Variants in PCDHGB5 observed in about 807,000 individuals in gnomAD.
The protein encoded by PCDHGB5 is protocadherin gamma subfamily B, 5, also known as protocadherin gamma-B5.
In PCDHGB5, 48 loss-of-function variants were observed where a neutral mutation model predicts 62.9. That is an observed-to-expected ratio of 0.76 (90% CI 0.61 to 0.97). PCDHGB5 has a LOEUF of 0.97. PCDHGB5 is among the 50% of genes least tolerant of loss of function. PCDHGB5 has a pLI of 0.00. For missense variants in PCDHGB5, 1,118 were observed against 1,198.6 expected, an observed-to-expected ratio of 0.93 and a Z score of 0.99; for synonymous variants, 474 against 511.2, an observed-to-expected ratio of 0.93 and a Z score of 0.98.
At chr5:141,479,242 A>G (rs2099491093) in intron 1 of PCDHGB5, 1 of 152,320 alleles carries the variant, frequency 6.6e-6, no homozygotes, top group African/African-American at 2.4e-5. Context: ...AAACCCAAAG[A>G]TAACCATTTT....
intron 1 of PCDHGB5, among the ~76,000 whole-genome samples, chr5:141,456,845 C>T (rs1308477735): frequency 6.6e-6 from 1 of 152,092 alleles, no homozygotes; most frequent in African/African-American, 2.4e-5. Context: ...CGCCTGTAAT[C>T]CCAGCTAATT....
At position 141,500,368 on chromosome 5, in the gene PCDHGB5, C is replaced by T. The variant is rs181410708; in HGVS notation, c.2457-5025C>T. Among the ~76,000 whole-genome samples, 364 of 152,050 alleles carry T rather than the reference C, an allele frequency of 2.4e-3. 3 individuals carry two copies. The highest frequency in any genetic ancestry group is 9.2e-3 in the Admixed American group (140 of 15,274). ...GGACTACAGGCGCCCACTACCACGCCCGGCTAATTATTTTGTATTTTTAGT... is the reference window on the plus strand; with the variant it reads ...GGACTACAGGCGCCCACTACCACGCTCGGCTAATTATTTTGTATTTTTAGT... On this transcript the variant is annotated intron_variant, in intron 2 of 3. Transcript: ENST00000617380.
intron 1 of PCDHGB5, among the ~76,000 whole-genome samples, chr5:141,452,835 C>A (rs2098750110): frequency 6.6e-6 from 1 of 152,154 alleles, no homozygotes; most frequent in Admixed American, 6.5e-5. Flanking sequence ...TCACTTGGTC[C>A]AGCCCACACT....
In PCDHGB5 at chr5:141,491,149, G is replaced by T; in HGVS notation, c.2398-3658G>T. 6.8e-6 allele frequency: 11 copies of T among 1,614,152 alleles called. No homozygotes were observed. The highest frequency in any genetic ancestry group is 9.3e-6 in the Non-Finnish European group (11 of 1,180,010). On this transcript the variant is annotated intron_variant, in intron 1 of 3. Transcript: ENST00000617380. This position sits in a 1 kb window ranked among gnomAD's most constrained non-coding sequence, Gnocchi z 6.9. ...GCGCACAGCCCGGGCCTTACTGGAGGATGACTCTGACACCCAGCAGGTGGT... is the reference window on the plus strand; with the variant it reads ...GCGCACAGCCCGGGCCTTACTGGAGTATGACTCTGACACCCAGCAGGTGGT...
intron 1 of PCDHGB5, chr5:141,422,847 C>G (rs1271794821): frequency 7.4e-6 from 12 of 1,614,234 alleles, no homozygotes; most frequent in Non-Finnish European, 1.0e-5. Context: ...ACAGCGGGGA[C>G]CCGCCCCTCA....
chr5:141,501,636 C>T (rs2099810310), intron 2 of PCDHGB5, among the ~76,000 whole-genome samples: 1 of 152,130 alleles, frequency 6.6e-6, no homozygotes, highest in South Asian at 2.1e-4. Flanking sequence ...CTCAACCTCT[C>T]TGAGCCCTGT....
chr5:141,399,977 T>C lies in PCDHGB5; in HGVS notation c.1850T>C (p.Leu617Pro), dbSNP rs1166854292. 1 of 1,612,262 alleles carries C rather than the reference T, an allele frequency of 6.2e-7. No individual in the cohort carries two copies. The highest frequency in any genetic ancestry group is 1.3e-5 in the African/African-American group (1 of 75,028). ...GAGCCCGGGCTCTTCAGCCTGGGGC[T>C]GCGCACAGGAGAGGTGCGCACAGCG... ...ASEPGLFSLG[L>P]RTGEVRTARA... Residue 617 changes from leucine (L) to proline (P), a missense_variant, in exon 1 of 4, where the codon CTG (leucine) becomes CCG (proline). Physicochemically the swap from Leu to Pro is moderately conservative, Grantham distance 98. Around this residue, in one of 2 missense-constraint regions of PCDHGB5, gnomAD observed 1,034 missense variants for 1,029.1 expected, o/e 1.00. Transcript: ENST00000617380.
chr5:141,484,869 G>C (rs2154580238), intron 1 of PCDHGB5: 1 of 292,558 alleles, frequency 3.4e-6, no homozygotes, highest in African/African-American at 2.2e-5. Flanking sequence ...GGGGGAGCGT[G>C]GAGGATAGGG....
chr5:141,404,894 G>C (rs772084097), intron 1 of PCDHGB5: 1 of 1,613,878 alleles, frequency 6.2e-7, no homozygotes, highest in South Asian at 1.1e-5. Flanking sequence ...GGCTGTACAG[G>C]ACCATGGCCA....
At position 141,418,594 on chromosome 5, in the gene PCDHGB5, C is replaced by G. The variant is rs775489120; in HGVS notation, c.2397+18070C>G. 2.9e-5 allele frequency: 47 copies of G among 1,613,904 alleles called. No individual in the cohort carries two copies. In the South Asian group the frequency reaches 4.6e-4, roughly 16 times the overall value. On this transcript the variant is annotated intron_variant, in intron 1 of 3. Transcript: ENST00000617380. ...ACAACCCCCCAGTGTTCAGCCAGGA[C>G]GTGTACAGGGTTAGCCTTCGGGAAG...
intron 2 of PCDHGB5, among the ~76,000 whole-genome samples, chr5:141,501,166 C>T (rs1443045812): frequency 6.6e-6 from 1 of 152,154 alleles, no homozygotes; most frequent in African/African-American, 2.4e-5. Flanking sequence ...CATCCCCAGC[C>T]TCATTTACAT....
chr5:141,404,617 G>A (rs760355068), intron 1 of PCDHGB5: 4 of 1,614,032 alleles, frequency 2.5e-6, no homozygotes, highest in Non-Finnish European at 2.5e-6. Flanking sequence ...TTTTGGACCA[G>A]AATGACAATG....
At chr5:141,439,898 C>A (rs1428014089) in intron 1 of PCDHGB5, 2 of 152,344 alleles carry the variant, frequency 1.3e-5, no homozygotes, top group African/African-American at 4.8e-5. Flanking sequence ...ACCAAGGCGA[C>A]TACTGCCTCC....
Position 141,485,200 on chromosome 5 carries a change from A to C in PCDHGB5, c.2398-9607A>C. 1 of 1,614,116 alleles carries C rather than the reference A, an allele frequency of 6.2e-7. No homozygotes were observed. The highest frequency in any genetic ancestry group is 2.2e-5 in the East Asian group (1 of 44,872). ...TGCTCCGCAAGGTGAGAAGCTGGAC[A>C]GAAATCTGGCGGTGGGCTACCCTTT... On this transcript the variant is annotated intron_variant, in intron 1 of 3. Coordinates refer to ENST00000617380, the MANE Select transcript of PCDHGB5 (RefSeq NM_018925.3). This position sits in a 1 kb window ranked among gnomAD's most constrained non-coding sequence, Gnocchi z 5.7.
At chr5:141,421,080 C>CA (rs2096545590) in intron 1 of PCDHGB5, 1 of 638,250 alleles carries the variant, frequency 1.6e-6, no homozygotes, top group East Asian at 2.9e-5. Context: ...GATGGATACT[C>CA]ACAGATCCTG....
At chr5:141,470,942 C>T (rs1156728317) in intron 1 of PCDHGB5, among the ~76,000 whole-genome samples, 1 of 152,020 alleles carries the variant, frequency 6.6e-6, no homozygotes, top group Non-Finnish European at 1.5e-5. Context: ...GTCTCAAATT[C>T]CTGGCCTCAA....
At chr5:141,506,084 C>T (rs1426222889) in intron 3 of PCDHGB5, among the ~76,000 whole-genome samples, 8 of 152,068 alleles carry the variant, frequency 5.3e-5, no homozygotes, top group African/African-American at 1.9e-4. Flanking sequence ...AATAGAGATT[C>T]GGCTAGTGGT....
chr5:141,469,704 C>T (rs1038504640), intron 1 of PCDHGB5, among the ~76,000 whole-genome samples: 9 of 152,340 alleles, frequency 5.9e-5, no homozygotes, highest in African/African-American at 1.9e-4. Flanking sequence ...ACCTAGTAAT[C>T]ACACTATTAG....
At chr5:141,475,329 A>G (rs1229101617) in intron 1 of PCDHGB5, among the ~76,000 whole-genome samples, 1 of 152,266 alleles carries the variant, frequency 6.6e-6, no homozygotes, top group Non-Finnish European at 1.5e-5. Context: ...AATGAGAGCT[A>G]ACAATGACAT....
Sources: gnomAD v4.1 joint callset for allele counts (sites outside exome capture counted in the v4.1 genomes callset) on GRCh38, gnomAD v4.1.1 for gene constraint, gnomAD v4.1.1 regional missense constraint, Gnocchi (gnomAD v3.1) non-coding constraint, MANE v1.5 for transcripts, NCBI Gene and HGNC (gene_info 2026-07-23, HGNC 2026-07-21) for gene names.